GLRA1: variants seen among roughly 807,000 people sequenced by gnomAD.
GLRA1 encodes the protein glycine receptor alpha 1.
A neutral mutation model predicts 48.3 loss-of-function variants in GLRA1; 37 were observed. The observed-to-expected ratio is 0.77, with a 90% CI of 0.59 to 1.01. The LOEUF (loss-of-function observed/expected upper bound fraction) is 1.01, where lower values mean the gene tolerates loss of function less well. GLRA1 is among the 50% of genes least tolerant of loss of function. GLRA1 has a pLI of 0.00. For missense variants in GLRA1, 427 were observed against 571.0 expected (o/e 0.75, Z 2.57); for synonymous variants, 196 against 210.7 (o/e 0.93, Z 0.60).
At chr5:151,878,797 A>G (rs1045078513) in intron 3 of GLRA1, among the ~76,000 whole-genome samples, 4 of 152,184 alleles carry the variant, frequency 2.6e-5, no homozygotes, top group Non-Finnish European at 4.4e-5. Flanking sequence ...ACCTCTGCCT[A>G]GATTTCAGAA....
At chr5:151,833,573 C>T (rs547448044) in intron 7 of GLRA1, among the ~76,000 whole-genome samples, 4 of 152,240 alleles carry the variant, frequency 2.6e-5, no homozygotes, top group South Asian at 4.1e-4. Context: ...AAGCGATTCT[C>T]CTGCCTCAGC....
intron 1 of GLRA1, among the ~76,000 whole-genome samples, chr5:151,898,709 G>A (rs1754286737): frequency 6.6e-6 from 1 of 152,170 alleles, no homozygotes; most frequent in Non-Finnish European, 1.5e-5. Flanking sequence ...GAACTTGGAG[G>A]TGCAGATTGA....
intron 8 of GLRA1, among the ~76,000 whole-genome samples, chr5:151,826,544 G>C (rs576063177): frequency 2.0e-4 from 30 of 152,228 alleles, no homozygotes; most frequent in African/African-American, 7.2e-4. Context: ...TCATGATACC[G>C]GTGACTTGGC....
intron 6 of GLRA1, among the ~76,000 whole-genome samples, chr5:151,852,189 C>A (rs1406933703): frequency 6.6e-6 from 1 of 152,156 alleles, no homozygotes; most frequent in Non-Finnish European, 1.5e-5. Context: ...AATCATGACT[C>A]CCTATATGCC....
At chr5:151,873,720 T>C (rs1306565875) in intron 3 of GLRA1, among the ~76,000 whole-genome samples, 1 of 151,982 alleles carries the variant, frequency 6.6e-6, no homozygotes, top group African/African-American at 2.4e-5. Context: ...GGGACTGCTA[T>C]TAAAAACAAT....
At chr5:151,840,099 GTT>G (rs113124430) in intron 7 of GLRA1, among the ~76,000 whole-genome samples, 20 of 144,754 alleles carry the variant, frequency 1.4e-4, no homozygotes, top group South Asian at 8.8e-4. Flanking sequence ...AGAAAATACT[GTT>G]TTTTTTTTTT....
chr5:151,881,492 A>AT (rs3033233), intron 3 of GLRA1, among the ~76,000 whole-genome samples: 3,134 of 116,782 alleles, frequency 0.027, 61 homozygotes, highest in African/African-American at 0.043. Context: ...ATGCCCTGCA[A>AT]TTTTTTTTTT....
At position 151,896,608 on chromosome 5, in the gene GLRA1, A is replaced by T. The variant is rs140990124; in HGVS notation, c.57-4170T>A. On this transcript the variant is annotated intron_variant, in intron 1 of 8. Coordinates refer to ENST00000274576, the MANE Select transcript of GLRA1 (RefSeq NM_000171.4). Reference sequence around the variant, plus strand: ...CCTCTGTTTTGTCAAGTGATTCACTATGCATATTTTGAAAATCTCTAGTCC... The same window carrying T: ...CCTCTGTTTTGTCAAGTGATTCACTTTGCATATTTTGAAAATCTCTAGTCC... 1.8e-4 allele frequency among the ~76,000 whole-genome samples: 27 copies of T among 152,310 alleles called. No homozygotes were observed. The East Asian group carries it at 5.0e-3, about 28-fold the overall frequency.
intron 1 of GLRA1, among the ~76,000 whole-genome samples, chr5:151,919,573 A>G (rs530655224): frequency 1.3e-5 from 2 of 152,354 alleles, no homozygotes; most frequent in South Asian, 4.1e-4. Flanking sequence ...TATTTCTTAT[A>G]ATAATTGAAA....
At chr5:151,883,667 T>C (rs907270167) in intron 3 of GLRA1, among the ~76,000 whole-genome samples, 2 of 152,282 alleles carry the variant, frequency 1.3e-5, no homozygotes, top group Non-Finnish European at 2.9e-5. Flanking sequence ...TCATTGCAAC[T>C]GCCCTTTGTG....
At chr5:151,892,762 CT>C (rs1456682991) in intron 1 of GLRA1, among the ~76,000 whole-genome samples, 1 of 152,154 alleles carries the variant, frequency 6.6e-6, no homozygotes, top group Non-Finnish European at 1.5e-5. Context: ...GAGGGTTAGT[CT>C]TTTGGTAGAC....
intron 3 of GLRA1, among the ~76,000 whole-genome samples, chr5:151,864,189 A>T (rs1753275424): frequency 6.6e-6 from 1 of 152,042 alleles, no homozygotes; most frequent in Non-Finnish European, 1.5e-5. Context: ...GTCACATCAG[A>T]GTGAACAGAC....
chr5:151,922,175 C>G, intron 1 of GLRA1, among the ~76,000 whole-genome samples: 1 of 152,262 alleles, frequency 6.6e-6, no homozygotes, highest in South Asian at 2.1e-4. Flanking sequence ...TTGGATTGGC[C>G]ATTCCAACAC....
chr5:151,859,531 C>T (rs1225490352), intron 4 of GLRA1, among the ~76,000 whole-genome samples: 2 of 152,210 alleles, frequency 1.3e-5, no homozygotes, highest in African/African-American at 4.8e-5. Context: ...ACTTCAACCC[C>T]ACTTTCTCTA....
At chr5:151,884,855 T>C (rs1753855499) in intron 3 of GLRA1, among the ~76,000 whole-genome samples, 2 of 152,170 alleles carry the variant, frequency 1.3e-5, no homozygotes, top group African/African-American at 2.4e-5. Flanking sequence ...TTAATACAAA[T>C]GTCAATATGC....
At chr5:151,914,234 T>C (rs1754685458) in intron 1 of GLRA1, among the ~76,000 whole-genome samples, 1 of 152,216 alleles carries the variant, frequency 6.6e-6, no homozygotes, top group African/African-American at 2.4e-5. Context: ...TGAAAACAGA[T>C]GTCTGAGACA....
rs559777073 is a variant in GLRA1, at chr5:151,855,770, G to T, written c.559+531C>A. On this transcript the variant is annotated intron_variant, in intron 5 of 8. Transcript: ENST00000274576. ...CTGTATTTTTAAGTTAGTCAGATTG[G>T]TTTCTCTGTTTGCAATCAAAGGAGT... Among the ~76,000 whole-genome samples the T allele has an allele frequency of 1.1e-4, 16 of 152,250 alleles. No individual in the cohort carries two copies. In the East Asian group the frequency reaches 3.1e-3, roughly 29 times the overall value.
intron 1 of GLRA1, among the ~76,000 whole-genome samples, chr5:151,912,533 C>G (rs1217919938): frequency 6.6e-6 from 1 of 152,108 alleles, no homozygotes; most frequent in Non-Finnish European, 1.5e-5. Context: ...AGCTACGGAG[C>G]CAGGGCTGCG....
At chr5:151,858,790 TC>T (rs1753117901) in intron 4 of GLRA1, among the ~76,000 whole-genome samples, 1 of 152,062 alleles carries the variant, frequency 6.6e-6, no homozygotes, top group Non-Finnish European at 1.5e-5. Context: ...AAAACGTGTT[TC>T]CCTGAAGGAC....
Sources: gnomAD v4.1 joint callset for allele counts (sites outside exome capture counted in the v4.1 genomes callset) on GRCh38, gnomAD v4.1.1 for gene constraint, MANE v1.5 for transcripts, NCBI Gene and HGNC (gene_info 2026-07-23, HGNC 2026-07-21) for gene names.